Variants in XKR4 observed in about 807,000 individuals in gnomAD.
XKR4 encodes XK-related protein 4.
Under a neutral mutation model 53.9 loss-of-function variants are expected in XKR4, and 12 were observed. The observed-to-expected ratio is 0.22, with a 90% CI of 0.14 to 0.36. The LOEUF (loss-of-function observed/expected upper bound fraction) is 0.36, where lower values mean the gene tolerates loss of function less well. Among genes scored for constraint, XKR4 ranks in the 10% least tolerant of loss-of-function variants. The pLI, the probability that XKR4 is intolerant of heterozygous loss-of-function variation, is 1.00. For missense variants in XKR4, 799 were observed against 859.5 expected (o/e 0.93, Z 0.88); for synonymous variants, 354 against 362.4 (o/e 0.98, Z 0.26).
intron 1 of XKR4, among the ~76,000 whole-genome samples, chr8:55,304,316 T>C (rs201756076): frequency 6.6e-6 from 1 of 152,162 alleles, no homozygotes; most frequent in Admixed American, 6.5e-5. Context: ...TTTGAGTGAG[T>C]TTCTTAATCC....
chr8:55,246,520 T>G (rs536454722), intron 1 of XKR4, among the ~76,000 whole-genome samples: 2 of 152,340 alleles, frequency 1.3e-5, no homozygotes, highest in African/African-American at 2.4e-5. Flanking sequence ...GAGTGGCTTA[T>G]AGAACAGAAA....
At position 55,440,970 on chromosome 8, in the gene XKR4, T is replaced by C. The variant is rs79846145; in HGVS notation, c.1007-82311T>C. Among the ~76,000 whole-genome samples the C allele has an allele frequency of 6.2e-3, 947 of 151,912 alleles. 5 individuals carry two copies. Among genetic ancestry groups the C allele is most frequent in the African/African-American group, 0.021 (860 of 41,438 alleles). On this transcript the variant is annotated intron_variant, in intron 2 of 2. Coordinates refer to ENST00000327381, the MANE Select transcript of XKR4 (RefSeq NM_052898.2). ...GGCTCATGCCTGTAATCCCAATACT[T>C]TGCAGAGCTGTGGCAGGAAGATTGC...
Position 55,507,389 on chromosome 8 carries a change from T to C in XKR4, c.1007-15892T>C, listed in dbSNP as rs533067214. Among the ~76,000 whole-genome samples, 13 of 152,240 alleles carry C rather than the reference T, an allele frequency of 8.5e-5. No individual in the cohort carries two copies. The South Asian group carries it at 1.7e-3, about 19-fold the overall frequency. ...ATTATACTTTAAGTTTTAGGGTACATGTGCACAATGTGCAGGTTAGTTACA... is the reference window on the plus strand; with the variant it reads ...ATTATACTTTAAGTTTTAGGGTACACGTGCACAATGTGCAGGTTAGTTACA... On this transcript the variant is annotated intron_variant, in intron 2 of 2. Transcript: ENST00000327381.
At chr8:55,158,349 T>C (rs778423011) in intron 1 of XKR4, among the ~76,000 whole-genome samples, 41 of 152,200 alleles carry the variant, frequency 2.7e-4, no homozygotes, top group African/African-American at 4.8e-5. Flanking sequence ...TTAATGAGGT[T>C]ATTTTTTGCT....
At chr8:55,423,022 T>C (rs1804958369) in intron 2 of XKR4, among the ~76,000 whole-genome samples, 1 of 152,132 alleles carries the variant, frequency 6.6e-6, no homozygotes, top group South Asian at 2.1e-4. Flanking sequence ...TGTCAACATG[T>C]ACATTAATAA....
At chr8:55,149,102 A>G (rs1276413993) in intron 1 of XKR4, among the ~76,000 whole-genome samples, 1 of 152,186 alleles carries the variant, frequency 6.6e-6, no homozygotes, top group Non-Finnish European at 1.5e-5. Flanking sequence ...ACAAGTTTGT[A>G]ATGAATGTAT....
chr8:55,328,127 A>G (rs1357230077), intron 1 of XKR4, among the ~76,000 whole-genome samples: 2 of 152,158 alleles, frequency 1.3e-5, no homozygotes, highest in African/African-American at 4.8e-5. Context: ...AGAGAACAGC[A>G]TGGGGGAAAC....
chr8:55,423,281 G>A (rs1311754017), intron 2 of XKR4, among the ~76,000 whole-genome samples: 1 of 152,124 alleles, frequency 6.6e-6, no homozygotes, highest in Non-Finnish European at 1.5e-5. Context: ...TTTTAGTAGA[G>A]AAGGGGTTTC....
chr8:55,200,822 T>G (rs1817569553), intron 1 of XKR4, among the ~76,000 whole-genome samples: 1 of 152,348 alleles, frequency 6.6e-6, no homozygotes, highest in East Asian at 1.9e-4. Context: ...TGTTTTAATA[T>G]TTTAATAATG....
chr8:55,171,297 T>A (rs1244241927), intron 1 of XKR4, among the ~76,000 whole-genome samples: 6 of 152,228 alleles, frequency 3.9e-5, no homozygotes, highest in Non-Finnish European at 8.8e-5. Flanking sequence ...CTTACCATCA[T>A]CTGTTACAGC....
Position 55,496,532 on chromosome 8 carries a change from A to G in XKR4, c.1007-26749A>G, listed in dbSNP as rs1034176865. Among the ~76,000 whole-genome samples the G allele has an allele frequency of 6.6e-5, 10 of 152,234 alleles. No individual in the cohort carries two copies. The East Asian group carries it at 1.9e-3, about 29-fold the overall frequency. ...TTAGGGCATTGATAATACATTTTTA[A>G]GATTGCACAGTGCTTCTCACATAAG... On this transcript the variant is annotated intron_variant, in intron 2 of 2. Coordinates refer to ENST00000327381, the MANE Select transcript of XKR4 (RefSeq NM_052898.2).
intron 2 of XKR4, among the ~76,000 whole-genome samples, chr8:55,361,916 A>G (rs1803914514): frequency 6.6e-6 from 1 of 152,162 alleles, no homozygotes; most frequent in Non-Finnish European, 1.5e-5. Context: ...TCCTCAGAGT[A>G]TCCGGTCCTA....
At chr8:55,176,095 T>C (rs1193138688) in intron 1 of XKR4, among the ~76,000 whole-genome samples, 1 of 152,214 alleles carries the variant, frequency 6.6e-6, no homozygotes, top group African/African-American at 2.4e-5. Flanking sequence ...CCTACTGAAA[T>C]AAATCATAGA....
In XKR4 at chr8:55,454,703, C is replaced by T. The variant is rs966868313; in HGVS notation, c.1007-68578C>T. The stretch of plus-strand genomic sequence containing the variant: ...AACACATTCAGGCCCTCCACGTGGA[C>T]GGCATAGATGAGGCCGAGGCTGTTC... On this transcript the variant is annotated intron_variant, in intron 2 of 2. Coordinates refer to ENST00000327381, the MANE Select transcript of XKR4 (RefSeq NM_052898.2). 24 of 862,232 alleles carry T rather than the reference C, an allele frequency of 2.8e-5. No homozygotes were observed. The African/African-American group carries it at 3.1e-4, about 11-fold the overall frequency. The allele number at this position is 862,232 out of a possible 1,614,324, so 53.4% of individuals were successfully genotyped here. A position where few individuals can be genotyped will look rare whatever the true frequency, so the allele number is the denominator to read the frequency against.
At chr8:55,521,394 C>A (rs2129405783) in intron 2 of XKR4, among the ~76,000 whole-genome samples, 1 of 152,220 alleles carries the variant, frequency 6.6e-6, no homozygotes, top group East Asian at 1.9e-4. Flanking sequence ...TAAACTTTTT[C>A]TCCTTCCCCC....
intron 1 of XKR4, among the ~76,000 whole-genome samples, chr8:55,247,718 A>C (rs1394539844): frequency 6.6e-6 from 1 of 152,106 alleles, no homozygotes; most frequent in African/African-American, 2.4e-5. Flanking sequence ...TTTCTTCTGC[A>C]GTTCACAATT....
intron 2 of XKR4, among the ~76,000 whole-genome samples, chr8:55,460,477 T>C (rs990745161): frequency 6.6e-6 from 1 of 151,990 alleles, no homozygotes; most frequent in Non-Finnish European, 1.5e-5. Context: ...TCAAAGAAAA[T>C]AAAAACAAAA....
chr8:55,117,981 A>C (rs1452873487), intron 1 of XKR4, among the ~76,000 whole-genome samples: 1 of 152,184 alleles, frequency 6.6e-6, no homozygotes, highest in Admixed American at 6.5e-5. Flanking sequence ...GTGAAATCAG[A>C]TCATTTCCGG....
intron 1 of XKR4, among the ~76,000 whole-genome samples, chr8:55,219,957 A>G (rs1003370549): frequency 1.3e-5 from 2 of 152,152 alleles, no homozygotes; most frequent in African/African-American, 4.8e-5. Context: ...TATGGGCACT[A>G]ATCTGGAATT....
Sources: allele counts gnomAD v4.1 joint callset (sites outside exome capture counted in the v4.1 genomes callset), GRCh38; gene constraint gnomAD v4.1.1; transcripts MANE v1.5; gene names NCBI Gene and HGNC (gene_info 2026-07-23, HGNC 2026-07-21).